The following GALNTL6 variants were observed in gnomAD, a reference collection of about 807,000 sequenced individuals.
GALNTL6 encodes the protein polypeptide N-acetylgalactosaminyltransferase like 6, also known as polypeptide N-acetylgalactosaminyltransferase-like 6.
GALNTL6 carries 46 observed loss-of-function variants against 73.7 expected under a neutral mutation model. That is an observed-to-expected ratio of 0.62 (90% CI 0.49 to 0.80). The LOEUF is 0.80. Ranked by LOEUF, GALNTL6 falls within the 30% of genes least tolerant of loss-of-function variation. GALNTL6 has a pLI of 0.00. For synonymous variants in GALNTL6, 259 were observed against 263.7 expected, an observed-to-expected ratio of 0.98 and a Z score of 0.17; for missense variants, 604 against 755.0, an observed-to-expected ratio of 0.80 and a Z score of 2.34.
At chr4:172,565,027 A>T (rs1196588472) in intron 5 of GALNTL6, among the ~76,000 whole-genome samples, 1 of 152,204 alleles carries the variant, frequency 6.6e-6, no homozygotes, top group Non-Finnish European at 1.5e-5. Context: ...GCCCCAGCAG[A>T]TTCAGTGTCT....
chr4:173,029,614 T>C (rs374874413), intron 12 of GALNTL6, among the ~76,000 whole-genome samples: 1 of 152,240 alleles, frequency 6.6e-6, no homozygotes, highest in Non-Finnish European at 1.5e-5. Flanking sequence ...CCTGAGTTGA[T>C]TGATTTCCTG....
chr4:172,795,964 T>G (rs975271904), intron 5 of GALNTL6, among the ~76,000 whole-genome samples: 22 of 151,424 alleles, frequency 1.5e-4, no homozygotes, highest in African/African-American at 4.1e-4. Flanking sequence ...ATAAAATATA[T>G]AATACCATGG....
At chr4:172,372,210 A>T (rs1742840451) in intron 5 of GALNTL6, among the ~76,000 whole-genome samples, 1 of 152,202 alleles carries the variant, frequency 6.6e-6, no homozygotes, top group Non-Finnish European at 1.5e-5. Context: ...CTTTGAAGAG[A>T]TCATCTCAGG....
intron 2 of GALNTL6, among the ~76,000 whole-genome samples, chr4:172,225,454 C>G (rs1736822926): frequency 6.7e-6 from 1 of 149,634 alleles, no homozygotes; most frequent in South Asian, 2.1e-4. Flanking sequence ...GTGTCACATT[C>G]CAATTCATAC....
chr4:172,867,171 G>A (rs1744704236), intron 7 of GALNTL6, among the ~76,000 whole-genome samples: 1 of 152,174 alleles, frequency 6.6e-6, no homozygotes, highest in Non-Finnish European at 1.5e-5. Flanking sequence ...ATAAAAGAGG[G>A]TGCTATTAAT....
intron 2 of GALNTL6, among the ~76,000 whole-genome samples, chr4:172,063,598 ATTGTT>A (rs1009540897): frequency 1.3e-5 from 2 of 152,110 alleles, no homozygotes; most frequent in African/African-American, 2.4e-5. Context: ...ATTAAAGACA[ATTGTT>A]TATTAACCCA....
At chr4:172,967,548 T>C (rs988424959) in intron 10 of GALNTL6, among the ~76,000 whole-genome samples, 17 of 152,192 alleles carry the variant, frequency 1.1e-4, no homozygotes, top group Admixed American at 1.0e-3. Context: ...AGTCTTCCAT[T>C]ATCCATGGTC....
intron 2 of GALNTL6, among the ~76,000 whole-genome samples, chr4:171,961,414 C>A (rs1739214598): frequency 6.6e-6 from 1 of 152,072 alleles, no homozygotes; most frequent in Non-Finnish European, 1.5e-5. Context: ...GGTACAAACC[C>A]ATGGCTGAGT....
At chr4:172,042,541 C>A (rs553759831) in intron 2 of GALNTL6, among the ~76,000 whole-genome samples, 1 of 151,942 alleles carries the variant, frequency 6.6e-6, no homozygotes, top group Non-Finnish European at 1.5e-5. Flanking sequence ...AAGCTGCTCC[C>A]TTTTCTGTGT....
At chr4:172,684,499 GAC>G (rs1038792338) in intron 5 of GALNTL6, among the ~76,000 whole-genome samples, 1 of 152,042 alleles carries the variant, frequency 6.6e-6, no homozygotes, top group African/African-American at 2.4e-5. Context: ...TCAATTAGAT[GAC>G]ACACAAAAAA....
At chr4:172,874,505 C>T (rs1745094188) in intron 7 of GALNTL6, among the ~76,000 whole-genome samples, 1 of 152,064 alleles carries the variant, frequency 6.6e-6, no homozygotes, top group African/African-American at 2.4e-5. Context: ...TTTCAGAGTC[C>T]CCATCCTGAT....
At chr4:172,934,069 A>G (rs1748486411) in intron 9 of GALNTL6, among the ~76,000 whole-genome samples, 1 of 152,220 alleles carries the variant, frequency 6.6e-6, no homozygotes. Context: ...TGGCATTAGA[A>G]TCTGGTTGCA....
At chr4:172,992,511 AT>A (rs1751586865) in intron 10 of GALNTL6, among the ~76,000 whole-genome samples, 1 of 152,172 alleles carries the variant, frequency 6.6e-6, no homozygotes, top group South Asian at 2.1e-4. Flanking sequence ...AAATAATTTG[AT>A]TTAAGTGCTT....
At chr4:172,842,577 A>C (rs1743270140) in intron 7 of GALNTL6, among the ~76,000 whole-genome samples, 1 of 152,050 alleles carries the variant, frequency 6.6e-6, no homozygotes, top group African/African-American at 2.4e-5. Flanking sequence ...ACAAGGTGTA[A>C]TAATATGATG....
intron 10 of GALNTL6, among the ~76,000 whole-genome samples, chr4:172,976,008 C>A (rs925804614): frequency 6.6e-6 from 1 of 152,046 alleles, no homozygotes; most frequent in African/African-American, 2.4e-5. Context: ...GAGCTCCGCC[C>A]GCTTAACTCG....
chr4:172,722,527 C>T (rs563600956), intron 5 of GALNTL6, among the ~76,000 whole-genome samples: 2 of 152,104 alleles, frequency 1.3e-5, no homozygotes, highest in South Asian at 2.1e-4. Flanking sequence ...TCTCTACCTC[C>T]CTCTCTCTTT....
At chr4:171,902,093 G>A (rs1175738061) in intron 2 of GALNTL6, among the ~76,000 whole-genome samples, 2 of 152,142 alleles carry the variant, frequency 1.3e-5, no homozygotes, top group East Asian at 3.9e-4. Context: ...TCAAGAAGCA[G>A]TGTTATATAA....
chr4:172,190,013 A>G (rs1020862960), intron 2 of GALNTL6, among the ~76,000 whole-genome samples: 7 of 152,178 alleles, frequency 4.6e-5, no homozygotes, highest in Non-Finnish European at 1.0e-4. Context: ...AGCACAGTAA[A>G]TAGATGTTAT....
intron 5 of GALNTL6, among the ~76,000 whole-genome samples, chr4:172,761,490 G>A (rs1001043835): frequency 2.0e-5 from 3 of 152,086 alleles, no homozygotes; most frequent in Admixed American, 1.3e-4. Context: ...ATATAGTTTG[G>A]TTCTGTGTCC....
Sources: gnomAD v4.1 joint callset for allele counts (sites outside exome capture counted in the v4.1 genomes callset) on GRCh38, gnomAD v4.1.1 for gene constraint, MANE v1.5 for transcripts, NCBI Gene and HGNC (gene_info 2026-07-23, HGNC 2026-07-21) for gene names.